The following SGCE variants were observed in gnomAD, a reference collection of about 807,000 sequenced individuals.
The protein encoded by SGCE is epsilon-sarcoglycan.
A neutral mutation model predicts 57.8 loss-of-function variants in SGCE; 26 were observed. The ratio of observed to expected loss-of-function variants is 0.45; its 90% CI spans 0.33 to 0.62. The LOEUF (loss-of-function observed/expected upper bound fraction) is 0.62, where lower values mean the gene tolerates loss of function less well. Among genes scored for constraint, SGCE ranks in the 20% least tolerant of loss-of-function variants. The pLI is 0.02. For synonymous variants in SGCE, 183 were observed against 189.5 expected, an observed-to-expected ratio of 0.97 and a Z score of 0.28; for missense variants, 468 against 548.6, an observed-to-expected ratio of 0.85 and a Z score of 1.47.
At chr7:94,653,655 GT>G in intron 1 of SGCE, among the ~76,000 whole-genome samples, 1 of 151,700 alleles carries the variant, frequency 6.6e-6, no homozygotes, top group East Asian at 1.9e-4. Context: ...GTATTGTTTT[GT>G]TTTTTGGATA....
intron 5 of SGCE, chr7:94,616,760 C>T (rs562112590): frequency 3.3e-5 from 5 of 151,462 alleles, no homozygotes; most frequent in South Asian, 2.1e-4. Flanking sequence ...ACTTTTTTTT[C>T]GAATTATAAC....
In SGCE at chr7:94,588,161, G is replaced by C. The variant is rs565745428; in HGVS notation, c.1297+528C>G. ...AAAGAAATAAAGAAAGCAAGTCTTA[G>C]GGAAATAGAATAATCCAAGGAGAAT... On this transcript the variant is annotated intron_variant, in intron 10 of 10. Coordinates refer to ENST00000648936, the MANE Select transcript of SGCE (RefSeq NM_003919.3). 9 of 1,110,992 alleles carry C rather than the reference G, an allele frequency of 8.1e-6. No individual in the cohort carries two copies. The East Asian group carries it at 4.3e-4, about 54-fold the overall frequency. The allele number at this position is 1,110,992 out of a possible 1,614,324, so 68.8% of individuals were successfully genotyped here. A position where few individuals can be genotyped will look rare whatever the true frequency, so the allele number is the denominator to read the frequency against.
chr7:94,586,987 G>A (rs1030380346), intron 10 of SGCE: 2 of 983,594 alleles, frequency 2.0e-6, no homozygotes, highest in African/African-American at 3.5e-5. Context: ...GATCCAAATT[G>A]CAGAAAAATG....
chr7:94,621,898 C>G (rs1802848245), intron 4 of SGCE: 1 of 152,152 alleles, frequency 6.6e-6, no homozygotes, highest in African/African-American at 2.4e-5. Flanking sequence ...TCAGTCCAGG[C>G]CCACAGAACT....
chr7:94,609,591 CT>C (rs1289516318), intron 5 of SGCE, among the ~76,000 whole-genome samples: 1 of 152,160 alleles, frequency 6.6e-6, no homozygotes, highest in South Asian at 2.1e-4. Context: ...AGAAGTTATA[CT>C]CGTGGTAAAT....
At chr7:94,623,051 C>T (rs1187950111) in intron 4 of SGCE, among the ~76,000 whole-genome samples, 1 of 152,096 alleles carries the variant, frequency 6.6e-6, no homozygotes, top group Non-Finnish European at 1.5e-5. Context: ...AAGAGAAATG[C>T]TACTGTTAGT....
chr7:94,643,687 T>C (rs1806695383), intron 1 of SGCE, among the ~76,000 whole-genome samples: 2 of 152,186 alleles, frequency 1.3e-5, no homozygotes, highest in African/African-American at 4.8e-5. Flanking sequence ...AATAACTATT[T>C]ATTTTTAATT....
intron 1 of SGCE, among the ~76,000 whole-genome samples, chr7:94,641,116 G>A (rs923396196): frequency 2.0e-5 from 3 of 152,210 alleles, no homozygotes; most frequent in African/African-American, 7.2e-5. Flanking sequence ...GAAGTCTGAA[G>A]AGTAACATAA....
intron 1 of SGCE, among the ~76,000 whole-genome samples, chr7:94,655,423 G>A (rs1808481335): frequency 6.6e-6 from 1 of 152,086 alleles, no homozygotes; most frequent in Admixed American, 6.6e-5. Context: ...TAAAACCGAA[G>A]AAAACCGAGA....
chr7:94,640,071 A>T (rs1423543673), intron 1 of SGCE, among the ~76,000 whole-genome samples: 16 of 152,194 alleles, frequency 1.1e-4, no homozygotes, highest in African/African-American at 3.9e-4. Flanking sequence ...TGCTAGGTGC[A>T]GGGATAAAAG....
intron 3 of SGCE, chr7:94,623,932 T>C (rs534552324): frequency 2.7e-6 from 1 of 369,820 alleles, no homozygotes; most frequent in African/African-American, 2.1e-5. Flanking sequence ...GTAAGGATCA[T>C]AGTCCATGAA....
chr7:94,648,334 C>CATTG (rs1447456828), intron 1 of SGCE, among the ~76,000 whole-genome samples: 1 of 130,172 alleles, frequency 7.7e-6, no homozygotes, highest in Admixed American at 8.9e-5. Flanking sequence ...AAGACCTCAT[C>CATTG]ATTGTACTCC....
chr7:94,625,434 T>G (rs1803545508), intron 3 of SGCE: 1 of 152,054 alleles, frequency 6.6e-6, no homozygotes, highest in Non-Finnish European at 1.5e-5. Flanking sequence ...ATATAATGAA[T>G]GCACTCACAA....
At chr7:94,623,505 T>C in intron 3 of SGCE, 108 bp from the exon 4 acceptor site, 1 of 751,598 alleles carries the variant, frequency 1.3e-6, no homozygotes, top group Non-Finnish European at 2.3e-6. Context: ...TTTTCATTAT[T>C]TGTTGATATA....
intron 5 of SGCE, among the ~76,000 whole-genome samples, chr7:94,615,415 T>C (rs1801769295): frequency 7.7e-6 from 1 of 129,948 alleles, no homozygotes. Context: ...GATAGATAGA[T>C]AGATAGATAA....
chr7:94,590,343 TACC>T (rs1452397867), intron 9 of SGCE, among the ~76,000 whole-genome samples: 3 of 152,184 alleles, frequency 2.0e-5, no homozygotes, highest in Non-Finnish European at 4.4e-5. Context: ...CAAATTAGGT[TACC>T]ATTTAGCATG....
intron 5 of SGCE, 77 bp downstream of exon 5, chr7:94,618,681 T>G: frequency 8.1e-7 from 1 of 1,231,446 alleles, no homozygotes; most frequent in Non-Finnish European, 1.2e-6. Flanking sequence ...TAGGCCATCT[T>G]CCATCTATAA....
In SGCE at chr7:94,628,204, C is replaced by G; in HGVS notation, c.388G>C (p.Glu130Gln). ...AENVGKPTII[E>Q]ITAYNRRTFE... is the part of the protein sequence containing the mutation. ...TGCTCTTTCTAGGTGTAAATTACCT[C>G]AATGATTGTTGGCTTCCCCACATTT... The change falls in exon 3 of 11, where the codon GAG becomes CAG. Residue 130 changes from glutamate to glutamine, a missense_variant and splice_region_variant. Transcript: ENST00000648936. The G allele has an allele frequency of 6.2e-7, 1 of 1,609,970 alleles. No individual in the cohort carries two copies. The highest frequency in any genetic ancestry group is 8.5e-7 in the Non-Finnish European group (1 of 1,177,366).
intron 1 of SGCE, among the ~76,000 whole-genome samples, chr7:94,642,730 G>C (rs1806568327): frequency 6.6e-6 from 1 of 152,150 alleles, no homozygotes; most frequent in Non-Finnish European, 1.5e-5. Context: ...CTGGATAGTG[G>C]AATATCCCAA....
Sources: gnomAD v4.1 joint callset for allele counts (sites outside exome capture counted in the v4.1 genomes callset) on GRCh38, gnomAD v4.1.1 for gene constraint, MANE v1.5 for transcripts, NCBI Gene and HGNC (gene_info 2026-07-23, HGNC 2026-07-21) for gene names.